Variants in CLUAP1 observed in about 807,000 individuals in gnomAD.
CLUAP1 encodes clusterin-associated protein 1.
CLUAP1 carries 50 observed loss-of-function variants against 55.0 expected under a neutral mutation model. The ratio of observed to expected loss-of-function variants is 0.91; its 90% CI spans 0.72 to 1.15. The LOEUF (loss-of-function observed/expected upper bound fraction) is 1.15, where lower values mean the gene tolerates loss of function less well. CLUAP1 is among the 50% of genes most tolerant of loss of function. CLUAP1 has a pLI of 0.00. For synonymous variants in CLUAP1, 195 were observed against 175.4 expected (o/e 1.11, Z -0.88); for missense variants, 530 against 507.6 (o/e 1.04, Z -0.42).
chr16:3,496,119 C>T (rs2037305391), upstream of CLUAP1: 2 of 377,096 alleles, frequency 5.3e-6, no homozygotes, highest in East Asian at 1.4e-4. Context: ...CCAGCCTGGG[C>T]TGCAGAGCGA....
At chr16:3,507,576 T>A (rs896541812) in intron 3 of CLUAP1, among the ~76,000 whole-genome samples, 1 of 148,190 alleles carries the variant, frequency 6.7e-6, no homozygotes, top group East Asian at 2.0e-4. Flanking sequence ...AAAAAAAAAA[T>A]TAAAAACATT....
intron 8 of CLUAP1, among the ~76,000 whole-genome samples, chr16:3,526,194 C>T (rs1289161952): frequency 6.6e-6 from 1 of 152,160 alleles, no homozygotes; most frequent in Non-Finnish European, 1.5e-5. Flanking sequence ...TCTGGGCGCC[C>T]CTGTCCACCA....
chr16:3,513,995 A>T (rs538331699), intron 5 of CLUAP1, among the ~76,000 whole-genome samples: 58 of 152,248 alleles, frequency 3.8e-4, no homozygotes, highest in African/African-American at 1.4e-3. Context: ...TCATATATTG[A>T]CCCGGCAGTT....
At position 3,536,915 on chromosome 16, in the gene CLUAP1, T is replaced by A. The variant is rs1042757821; in HGVS notation, c.*644T>A. 6.6e-6 allele frequency: 1 copy of A among 152,238 alleles called. No individual in the cohort carries two copies. The highest frequency in any genetic ancestry group is 2.4e-5 in the African/African-American group (1 of 41,446). 9.4% of individuals were successfully genotyped at this position (152,238 alleles called of 1,614,324 possible). On this transcript the variant is annotated 3_prime_UTR_variant, in exon 12 of 12. Transcript: ENST00000576634. ...ATAGAGACAGGCTCCAGATGAGGAA[T>A]CCTCCATTTTCTGTCCGAAGCTGAC...
Position 3,501,029 on chromosome 16 carries a change from G to A in CLUAP1, c.-39G>A, listed in dbSNP as rs372807107. Reference sequence around the variant, plus strand: ...GCTGGGCCTGTGATCGCTGAGGGGCGAGCAGTTGCGACCCTGGGCTCCTGG... The same window carrying A: ...GCTGGGCCTGTGATCGCTGAGGGGCAAGCAGTTGCGACCCTGGGCTCCTGG... On this transcript the variant is annotated 5_prime_UTR_variant, in exon 1 of 12. Transcript: ENST00000576634. 3.1e-6 allele frequency: 5 copies of A among 1,592,550 alleles called. No homozygotes were observed. The highest frequency in any genetic ancestry group is 1.3e-5 in the African/African-American group (1 of 74,546).
chr16:3,536,140 G>A lies in CLUAP1; in HGVS notation c.1111G>A (p.Glu371Lys). The A allele has an allele frequency of 1.2e-6, 2 of 1,614,184 alleles. No homozygotes were observed. Among genetic ancestry groups the A allele is most frequent in the Non-Finnish European group, 1.7e-6 (2 of 1,180,028 alleles). ...CCTATAGGAGGACTCGGAGGAGAGTGAAATTGACATGGAAGATGATGATGA... is the reference window on the plus strand; with the variant it reads ...CCTATAGGAGGACTCGGAGGAGAGTAAAATTGACATGGAAGATGATGATGA... Reference protein sequence around the residue: ...SDDNEDSEESEIDMEDDDDED... With the variant: ...SDDNEDSEESKIDMEDDDDED... The change falls in exon 12 of 12, where the codon GAA (glutamate) becomes AAA (lysine). Residue 371 changes from glutamate (E) to lysine (K), a missense_variant. Glu to Lys is a moderately conservative substitution (Grantham distance 56, BLOSUM62 1). Coordinates refer to ENST00000576634, the MANE Select transcript of CLUAP1 (RefSeq NM_015041.3).
At chr16:3,533,336 C>A in intron 11 of CLUAP1, 1 of 591,676 alleles carries the variant, frequency 1.7e-6, no homozygotes, top group Admixed American at 2.9e-5. Context: ...GGCGCAGGCA[C>A]GGAGCCTGGA....
chr16:3,531,415 G>A (rs1431699023), intron 10 of CLUAP1, among the ~76,000 whole-genome samples: 2 of 152,074 alleles, frequency 1.3e-5, no homozygotes, highest in Non-Finnish European at 2.9e-5. Flanking sequence ...CCAGCTACTC[G>A]GGAGGCTGAG....
At chr16:3,529,464 T>TATTATATATTATATAA (rs2038018495) in intron 9 of CLUAP1, among the ~76,000 whole-genome samples, 1 of 75,656 alleles carries the variant, frequency 1.3e-5, no homozygotes, top group East Asian at 2.9e-4. Context: ...TTATATATAA[T>TATTATATATTATATAA]ATATATTATA....
intron 3 of CLUAP1, among the ~76,000 whole-genome samples, chr16:3,507,856 T>C (rs1293905636): frequency 1.3e-5 from 2 of 152,286 alleles, no homozygotes; most frequent in South Asian, 4.1e-4. Flanking sequence ...CAAATACATA[T>C]AGAATTTCCT....
the CLUAP1 span, chr16:3,495,536 T>C: frequency 2.6e-6 from 4 of 1,522,476 alleles, no homozygotes; most frequent in Admixed American, 2.0e-5. Flanking sequence ...TCTTATGACA[T>C]CACGGGGAAG....
chr16:3,495,607 T>A, the CLUAP1 span: 1 of 1,292,854 alleles, frequency 7.7e-7, no homozygotes, highest in Non-Finnish European at 1.0e-6. Flanking sequence ...AAGGGCAGGG[T>A]GAAAGAAAGG....
At chr16:3,500,759 G>C (rs989630062), upstream of CLUAP1, among the ~76,000 whole-genome samples, 3 of 152,234 alleles carry the variant, frequency 2.0e-5, no homozygotes, top group African/African-American at 7.2e-5. Flanking sequence ...TAGGTACTCA[G>C]AACCTGTCAC....
intron 4 of CLUAP1, among the ~76,000 whole-genome samples, chr16:3,509,072 CAT>C (rs1376854806): frequency 6.6e-6 from 1 of 151,824 alleles, no homozygotes; most frequent in Non-Finnish European, 1.5e-5. Flanking sequence ...ACCTGGGCAA[CAT>C]AGTGAGACGC....
chr16:3,529,835 ATATAT>A (rs1435163638), intron 9 of CLUAP1, among the ~76,000 whole-genome samples: 10 of 43,990 alleles, frequency 2.3e-4, no homozygotes, highest in East Asian at 6.3e-4. Context: ...ATATTATATA[ATATAT>A]TATATAATAT....
At chr16:3,528,275 T>C (rs1340339619) in intron 9 of CLUAP1, among the ~76,000 whole-genome samples, 3 of 152,154 alleles carry the variant, frequency 2.0e-5, no homozygotes, top group Non-Finnish European at 4.4e-5. Context: ...GAGGGCAGCA[T>C]ACTTGAGGCA....
chr16:3,530,426 G>A lies in CLUAP1; in HGVS notation c.929-142G>A, dbSNP rs1173776498. The A allele has an allele frequency of 7.7e-6, 5 of 649,184 alleles. No homozygotes were observed. In the Admixed American group the frequency reaches 1.2e-4, roughly 15 times the overall value. 40.2% of individuals were successfully genotyped at this position (649,184 alleles called of 1,614,324 possible). A position where few individuals can be genotyped will look rare whatever the true frequency, so the allele number is the denominator to read the frequency against. The stretch of plus-strand genomic sequence containing the variant: ...TTATATAATTTGATTTGCATTGCAT[G>A]GGATAAGGATTTAATGTCTTAATTT... On this transcript the variant is annotated intron_variant, in intron 9 of 11. Transcript: ENST00000576634.
At chr16:3,523,097 A>G in intron 7 of CLUAP1, 61 bp from the exon 8 acceptor site, 3 of 1,386,056 alleles carry the variant, frequency 2.2e-6, no homozygotes, top group Non-Finnish European at 2.9e-6. Context: ...AACTGTGAAT[A>G]CCCATTTCAA....
chr16:3,509,247 TG>T (rs1438581582), intron 4 of CLUAP1, among the ~76,000 whole-genome samples: 1 of 151,952 alleles, frequency 6.6e-6, no homozygotes, highest in Admixed American at 6.6e-5. Context: ...AGACCTTGTC[TG>T]GGGGGAAGAA....
Sources: allele counts gnomAD v4.1 joint callset (sites outside exome capture counted in the v4.1 genomes callset), GRCh38; gene constraint gnomAD v4.1.1; transcripts MANE v1.5; gene names NCBI Gene and HGNC (gene_info 2026-07-23, HGNC 2026-07-21).